Variants in DAB1 observed in about 807,000 individuals in gnomAD.
The protein encoded by DAB1 is disabled homolog 1.
A neutral mutation model predicts 64.6 loss-of-function variants in DAB1; 15 were observed. The observed-to-expected ratio is 0.23, with a 90% CI of 0.16 to 0.36. The LOEUF (loss-of-function observed/expected upper bound fraction) is 0.36. Among genes scored for constraint, DAB1 ranks in the 10% least tolerant of loss-of-function variants. The probability of loss-of-function intolerance (pLI) is 1.00; values close to 1 mark genes in which losing one functional copy is unlikely to be tolerated. For missense variants in DAB1, 596 were observed against 706.7 expected (o/e 0.84, Z 1.78); for synonymous variants, 235 against 251.9 (o/e 0.93, Z 0.64).
chr1:57,394,675 T>A (rs1682661660), intron 1 of DAB1, among the ~76,000 whole-genome samples: 1 of 152,198 alleles, frequency 6.6e-6, no homozygotes, highest in Admixed American at 6.5e-5. Context: ...TAGGTGCCTA[T>A]AAGAACAGGG....
Position 58,162,808 on chromosome 1 carries a change from T to C in DAB1, n.310-12220A>G, listed in dbSNP as rs190422707. 2.8e-4 allele frequency among the ~76,000 whole-genome samples: 42 copies of C among 152,320 alleles called. 2 individuals are homozygous for C. The East Asian group carries it at 6.6e-3, about 24-fold the overall frequency. On this transcript the variant is annotated intron_variant and non_coding_transcript_variant, in intron 4 of 20. Coordinates refer to the DAB1 transcript ENST00000485760. ...CTATTACAAAAATGGATTCAGCTGCTGCCAAGGGAAGGAATTGCAGCTGCC... is the reference window on the plus strand; with the variant it reads ...CTATTACAAAAATGGATTCAGCTGCCGCCAAGGGAAGGAATTGCAGCTGCC...
chr1:58,234,374 G>A (rs1224773717), intron 4 of DAB1, among the ~76,000 whole-genome samples: 1 of 152,212 alleles, frequency 6.6e-6, no homozygotes, highest in African/African-American at 2.4e-5. Context: ...GGTGACATGA[G>A]GGGAAAAATG....
chr1:57,037,041 G>A (rs1647187390), intron 9 of DAB1, among the ~76,000 whole-genome samples: 2 of 152,220 alleles, frequency 1.3e-5, no homozygotes, highest in South Asian at 4.1e-4. Context: ...ACTGCACAGT[G>A]TAATCCTTTG....
At chr1:57,222,479 G>T (rs977319668) in intron 2 of DAB1, among the ~76,000 whole-genome samples, 1 of 152,184 alleles carries the variant, frequency 6.6e-6, no homozygotes, top group Non-Finnish European at 1.5e-5. Context: ...GGGGGCTGGG[G>T]TGGAAGGAGC....
At chr1:57,843,280 T>C (rs1051584676) in intron 1 of DAB1, among the ~76,000 whole-genome samples, 1 of 152,216 alleles carries the variant, frequency 6.6e-6, no homozygotes, top group Non-Finnish European at 1.5e-5. Flanking sequence ...GTGTGCACCT[T>C]GCATGGTTCT....
chr1:58,368,979 C>G (rs2100532794), intron 3 of DAB1, among the ~76,000 whole-genome samples: 1 of 152,246 alleles, frequency 6.6e-6, no homozygotes, highest in East Asian at 1.9e-4. Flanking sequence ...TGTGATCAAG[C>G]CACTGCACTC....
At chr1:57,799,175 C>T (rs559413628) in intron 6 of DAB1, among the ~76,000 whole-genome samples, 15 of 152,120 alleles carry the variant, frequency 9.9e-5, no homozygotes, top group Non-Finnish European at 1.8e-4. Context: ...AAATGAGATT[C>T]GATGAACGGA....
intron 6 of DAB1, among the ~76,000 whole-genome samples, chr1:57,807,418 G>A (rs971168160): frequency 6.6e-6 from 1 of 152,194 alleles, no homozygotes; most frequent in Non-Finnish European, 1.5e-5. Flanking sequence ...ACTTGGAGCA[G>A]AGACAACTTT....
At chr1:57,413,410 G>C (rs188365783) in intron 1 of DAB1, among the ~76,000 whole-genome samples, 1 of 152,234 alleles carries the variant, frequency 6.6e-6, no homozygotes, top group East Asian at 1.9e-4. Flanking sequence ...TCTTCTGATA[G>C]ATCTTGGTGA....
intron 9 of DAB1, among the ~76,000 whole-genome samples, chr1:57,048,058 C>T (rs530421079): frequency 2.0e-5 from 3 of 152,162 alleles, no homozygotes; most frequent in Non-Finnish European, 4.4e-5. Flanking sequence ...TTATTCAATT[C>T]TTAAAAGAAC....
At chr1:58,176,701 C>T (rs1425068053) in intron 4 of DAB1, among the ~76,000 whole-genome samples, 1 of 152,152 alleles carries the variant, frequency 6.6e-6, no homozygotes, top group Admixed American at 6.5e-5. Context: ...CACCTCCAGC[C>T]GGGCGCGGTG....
At chr1:57,415,402 C>G (rs1308337953) in intron 1 of DAB1, among the ~76,000 whole-genome samples, 1 of 151,882 alleles carries the variant, frequency 6.6e-6, no homozygotes, top group Non-Finnish European at 1.5e-5. Flanking sequence ...AAAAAAAAGG[C>G]TTTCTGAAAC....
chr1:58,105,400 C>A (rs377506043), intron 5 of DAB1, among the ~76,000 whole-genome samples: 2 of 152,192 alleles, frequency 1.3e-5, no homozygotes, highest in African/African-American at 4.8e-5. Context: ...TTAGGGCCCC[C>A]ATGTGCTGGG....
chr1:57,906,506 C>A (rs1265256402), intron 5 of DAB1, among the ~76,000 whole-genome samples: 2 of 152,122 alleles, frequency 1.3e-5, no homozygotes, highest in Admixed American at 1.3e-4. Context: ...TCATGAGATA[C>A]AATCAGGCCG....
At chr1:57,043,044 G>T (rs1647997358) in intron 9 of DAB1, among the ~76,000 whole-genome samples, 1 of 152,152 alleles carries the variant, frequency 6.6e-6, no homozygotes, top group African/African-American at 2.4e-5. Flanking sequence ...ACAGGGATAT[G>T]ATGCCCTCCT....
chr1:58,079,327 C>T (rs12070606), intron 5 of DAB1, among the ~76,000 whole-genome samples: 13,637 of 152,036 alleles, frequency 0.09, 911 homozygotes, highest in African/African-American at 0.18. Flanking sequence ...TGTGCCCATC[C>T]TCATTTGGAG....
chr1:57,569,598 G>T (rs1645168577), intron 7 of DAB1, among the ~76,000 whole-genome samples: 1 of 151,444 alleles, frequency 6.6e-6, no homozygotes, highest in Non-Finnish European at 1.5e-5. Context: ...GGCCTGTTGT[G>T]TGGTGGGGGT....
At chr1:57,724,750 C>G (rs997882950) in intron 6 of DAB1, among the ~76,000 whole-genome samples, 2 of 152,160 alleles carry the variant, frequency 1.3e-5, no homozygotes, top group African/African-American at 4.8e-5. Context: ...TCCTGCTGGT[C>G]AAGAAAGAAG....
chr1:57,689,303 GCTCAGGTGCCCA>G (rs1336331882), intron 6 of DAB1, among the ~76,000 whole-genome samples: 1 of 152,124 alleles, frequency 6.6e-6, no homozygotes, highest in Non-Finnish European at 1.5e-5. Context: ...GTGCAGATTG[GCTCAGGTGCCCA>G]GGCCTGTGGA....
Sources: allele counts gnomAD v4.1 joint callset (sites outside exome capture counted in the v4.1 genomes callset), GRCh38; gene constraint gnomAD v4.1.1; transcripts MANE v1.5; gene names NCBI Gene and HGNC (gene_info 2026-07-23, HGNC 2026-07-21).